Variants in TJP1 observed in about 807,000 individuals in gnomAD.
The protein encoded by TJP1 is tight junction protein ZO-1.
Under a neutral mutation model 194.2 loss-of-function variants are expected in TJP1, and 43 were observed. That is an observed-to-expected ratio of 0.22 (90% CI 0.17 to 0.29). The LOEUF (loss-of-function observed/expected upper bound fraction) is 0.29, where lower values mean the gene tolerates loss of function less well. Ranked by LOEUF, TJP1 falls within the 10% of genes least tolerant of loss-of-function variation. TJP1 has a pLI of 1.00. For synonymous variants in TJP1, 801 were observed against 779.0 expected, an observed-to-expected ratio of 1.03 and a Z score of -0.47; for missense variants, 1,971 against 2,185.7, an observed-to-expected ratio of 0.90 and a Z score of 1.96.
At chr15:29,798,541 T>C (rs1204406033) in intron 2 of TJP1, among the ~76,000 whole-genome samples, 2 of 152,072 alleles carry the variant, frequency 1.3e-5, no homozygotes, top group African/African-American at 2.4e-5. Flanking sequence ...CCATATCAAG[T>C]GCTGATGAGG....
At position 29,736,064 on chromosome 15, in the gene TJP1, G is replaced by A. The variant is rs752571468; in HGVS notation, c.1407+1200C>T. ...AATAAAAAAATGTACCAGAATGGCAGTATTATGGAATCTAAGGAAAAAAGT... is the reference window on the plus strand; with the variant it reads ...AATAAAAAAATGTACCAGAATGGCAATATTATGGAATCTAAGGAAAAAAGT... On this transcript the variant is annotated intron_variant, in intron 11 of 27. Coordinates refer to ENST00000614355, the MANE Select transcript of TJP1 (RefSeq NM_001330239.4). Among the ~76,000 whole-genome samples, 53 of 152,124 alleles carry A rather than the reference G, an allele frequency of 3.5e-4. 1 individual carries two copies. The highest frequency in any genetic ancestry group is 1.3e-3 in the African/African-American group (52 of 41,414).
chr15:29,949,611 TCACCAC>T (rs200707181), intron 2 of TJP1, among the ~76,000 whole-genome samples: 1 of 22,604 alleles, frequency 4.4e-5, no homozygotes, highest in Non-Finnish European at 9.1e-5. Flanking sequence ...ACCTCCACCT[TCACCAC>T]CACCACCTCC....
chr15:29,757,189 T>C (rs1316372945), intron 8 of TJP1, among the ~76,000 whole-genome samples: 1 of 152,142 alleles, frequency 6.6e-6, no homozygotes, highest in Non-Finnish European at 1.5e-5. Flanking sequence ...CTATCACTTC[T>C]CACAAAATGA....
chr15:29,776,362 C>T (rs914335511), intron 2 of TJP1, among the ~76,000 whole-genome samples: 16 of 152,146 alleles, frequency 1.1e-4, no homozygotes, highest in African/African-American at 3.1e-4. Flanking sequence ...TGTGAAAAGG[C>T]ACTGTAACAA....
intron 2 of TJP1, among the ~76,000 whole-genome samples, chr15:29,913,264 T>C (rs1297438490): frequency 6.6e-6 from 1 of 152,108 alleles, no homozygotes; most frequent in Non-Finnish European, 1.5e-5. Context: ...CTACAGTCAA[T>C]GGCAAGTTAG....
intron 2 of TJP1, among the ~76,000 whole-genome samples, chr15:29,790,465 C>G (rs117886276): frequency 6.6e-6 from 1 of 152,108 alleles, no homozygotes; most frequent in Admixed American, 6.5e-5. Context: ...CATTTTGATA[C>G]AAGTATAATG....
chr15:29,938,922 A>T (rs1294007219), intron 2 of TJP1, among the ~76,000 whole-genome samples: 1 of 152,258 alleles, frequency 6.6e-6, no homozygotes, highest in Non-Finnish European at 1.5e-5. Flanking sequence ...AGTCTTGCAC[A>T]GCTGGCCAGC....
At chr15:29,710,716 G>A (rs45467699) in intron 24 of TJP1, 115 bp downstream of exon 24, 1 of 1,331,864 alleles carries the variant, frequency 7.5e-7, no homozygotes, top group African/African-American at 1.5e-5. Flanking sequence ...ACTGTTCCCA[G>A]CCCAAAGGTT....
Position 29,720,600 on chromosome 15 carries a change from A to G in TJP1, c.2521T>C (p.Ser841Pro). ...SMYSTDSRHT[S>P]DYEDTDTEGG... is the part of the protein sequence containing the mutation. ...TCTGTGTCTGTGTCTTCATAGTCAGAAGTGTGTCTACTGTCCGTGCTATAC... is the reference window on the plus strand; with the variant it reads ...TCTGTGTCTGTGTCTTCATAGTCAGGAGTGTGTCTACTGTCCGTGCTATAC... Residue 841 changes from serine (S) to proline (P), a missense_variant, in exon 19 of 28, where the codon TCT (serine) becomes CCT (proline). Physicochemically the swap from Ser to Pro is moderately conservative, Grantham distance 74. Coordinates refer to ENST00000614355, the MANE Select transcript of TJP1 (RefSeq NM_001330239.4). 3 of 1,614,108 alleles carry G rather than the reference A, an allele frequency of 1.9e-6. No individual in the cohort carries two copies. The highest frequency in any genetic ancestry group is 2.5e-6 in the Non-Finnish European group (3 of 1,180,020).
At chr15:29,702,028 G>A (rs192983682) in intron 27 of TJP1, among the ~76,000 whole-genome samples, 97 of 151,394 alleles carry the variant, frequency 6.4e-4, no homozygotes, top group African/African-American at 2.2e-3. Context: ...ATACAAGTGA[G>A]TGATGGCAAT....
downstream of TJP1, chr15:29,700,022 C>G: frequency 3.0e-6 from 1 of 334,200 alleles, no homozygotes; most frequent in East Asian, 4.3e-5. Flanking sequence ...GGGAGAAATT[C>G]TGCATGCAAC....
chr15:29,754,617 T>C (rs2045523867), intron 8 of TJP1, among the ~76,000 whole-genome samples: 1 of 152,172 alleles, frequency 6.6e-6, no homozygotes, highest in Admixed American at 6.5e-5. Flanking sequence ...TCAACAATAA[T>C]TTTTAGCCTA....
intron 2 of TJP1, among the ~76,000 whole-genome samples, chr15:29,941,194 A>G (rs2055062995): frequency 6.6e-6 from 1 of 151,978 alleles, no homozygotes; most frequent in African/African-American, 2.4e-5. Flanking sequence ...TGCCTTCCCC[A>G]CCTGCTTGAG....
At position 29,822,045 on chromosome 15, in the gene TJP1, G is replaced by A; in HGVS notation, c.-17C>T. 2 of 1,311,584 alleles carry A rather than the reference G, an allele frequency of 1.5e-6. No homozygotes were observed. The highest frequency in any genetic ancestry group is 1.5e-5 in the African/African-American group (1 of 65,612). The allele number at this position is 1,311,584 out of a possible 1,614,324, so 81.2% of individuals were successfully genotyped here. On this transcript the variant is annotated 5_prime_UTR_variant, in exon 1 of 28. Transcript: ENST00000614355. ...GGCGGACATCTTGTCTCTCTCCAGC[G>A]CCGCGCGAGGCTCCTCGGACCCGAA...
intron 1 of TJP1, among the ~76,000 whole-genome samples, chr15:29,957,428 T>C (rs547956203): frequency 3.5e-4 from 54 of 152,320 alleles, no homozygotes; most frequent in African/African-American, 1.3e-3. Flanking sequence ...CTATTAACAG[T>C]TGTTTGTATT....
intron 1 of TJP1, among the ~76,000 whole-genome samples, chr15:29,811,042 A>G (rs549576101): frequency 1.1e-4 from 16 of 152,206 alleles, no homozygotes; most frequent in African/African-American, 3.9e-4. Flanking sequence ...AAAGAAGGAA[A>G]AACAGTGCCA....
intron 2 of TJP1, among the ~76,000 whole-genome samples, chr15:29,916,315 T>A (rs2054185220): frequency 6.6e-6 from 1 of 151,356 alleles, no homozygotes; most frequent in South Asian, 2.1e-4. Context: ...ATATAATATA[T>A]CTCTAGCATT....
intron 2 of TJP1, among the ~76,000 whole-genome samples, chr15:29,938,380 T>C (rs2054951547): frequency 1.3e-5 from 2 of 152,150 alleles, no homozygotes; most frequent in South Asian, 4.1e-4. Context: ...CTTACAAAGA[T>C]GGCTTATGTT....
intron 6 of TJP1, among the ~76,000 whole-genome samples, chr15:29,761,994 T>A (rs912052305): frequency 5.3e-5 from 8 of 151,100 alleles, no homozygotes; most frequent in African/African-American, 1.9e-4. Flanking sequence ...TAACTCCTTC[T>A]TTGAGGCTGT....
Sources: gnomAD v4.1 joint callset for allele counts (sites outside exome capture counted in the v4.1 genomes callset) on GRCh38, gnomAD v4.1.1 for gene constraint, MANE v1.5 for transcripts, NCBI Gene and HGNC (gene_info 2026-07-23, HGNC 2026-07-21) for gene names.